MYRFL: variants seen among roughly 807,000 people sequenced by gnomAD.
MYRFL encodes myelin regulatory factor like, also known as myelin regulatory factor-like protein.
Under a neutral mutation model 109.4 loss-of-function variants are expected in MYRFL, and 88 were observed. The ratio of observed to expected loss-of-function variants is 0.80; its 90% CI spans 0.68 to 0.96. The LOEUF (loss-of-function observed/expected upper bound fraction) is 0.96, where lower values mean the gene tolerates loss of function less well. Ranked by LOEUF, MYRFL falls within the 40% of genes least tolerant of loss-of-function variation. MYRFL has a pLI of 0.00. For missense variants in MYRFL, 957 were observed against 954.9 expected (o/e 1.00, Z -0.03); for synonymous variants, 324 against 320.9 (o/e 1.01, Z -0.10).
chr12:69,890,175 T>G (rs2136337707), intron 6 of MYRFL, among the ~76,000 whole-genome samples: 1 of 152,360 alleles, frequency 6.6e-6, no homozygotes, highest in South Asian at 2.1e-4. Flanking sequence ...AGTCTGCTTT[T>G]TCATGTGATC....
chr12:69,951,425 T>TC (rs1955973346), intron 19 of MYRFL, among the ~76,000 whole-genome samples: 1 of 28,250 alleles, frequency 3.5e-5, no homozygotes, highest in Admixed American at 2.6e-4. Flanking sequence ...CTAACCTGCT[T>TC]TTTTTTTTTT....
At chr12:69,844,440 C>T (rs534500459) in intron 1 of MYRFL, among the ~76,000 whole-genome samples, 19 of 152,224 alleles carry the variant, frequency 1.2e-4, no homozygotes, top group African/African-American at 3.6e-4. Flanking sequence ...GCAGATGGGA[C>T]ACCAGCAGGG....
rs144907573 is a variant in MYRFL at position 69,865,508 on chromosome 12, G to A, written c.137+10138G>A. Among the ~76,000 whole-genome samples the A allele has an allele frequency of 1.3e-3, 197 of 152,174 alleles. 1 individual carries two copies. Among genetic ancestry groups the A allele is most frequent in the African/African-American group, 4.3e-3 (178 of 41,506 alleles). ...TTCTAGTATCTATGAACCATCTTGGGGAAGAAGAATTATGGTTTCTGTGAT... is the reference window on the plus strand; with the variant it reads ...TTCTAGTATCTATGAACCATCTTGGAGAAGAAGAATTATGGTTTCTGTGAT... On this transcript the variant is annotated intron_variant, in intron 2 of 24. Coordinates refer to ENST00000552032, the MANE Select transcript of MYRFL (RefSeq NM_182530.3).
chr12:69,877,435 G>T (rs1885758572), intron 2 of MYRFL, among the ~76,000 whole-genome samples: 1 of 152,070 alleles, frequency 6.6e-6, no homozygotes, highest in East Asian at 1.9e-4. Flanking sequence ...TTTGAGTTTT[G>T]TTTGATTGGA....
intron 2 of MYRFL, among the ~76,000 whole-genome samples, chr12:69,861,082 A>AT (rs1314208648): frequency 4.7e-5 from 7 of 148,980 alleles, no homozygotes; most frequent in South Asian, 4.3e-4. Flanking sequence ...TGAACTCATC[A>AT]TTTTTTATGG....
intron 2 of MYRFL, 67 bp from the exon 3 acceptor site, chr12:69,878,961 C>A: frequency 1.4e-6 from 1 of 702,482 alleles, no homozygotes; most frequent in South Asian, 1.5e-5. Context: ...GGGTTGTCTC[C>A]CATTTGTGAC....
chr12:69,955,782 G>A (rs1956079538), intron 22 of MYRFL, among the ~76,000 whole-genome samples: 1 of 151,690 alleles, frequency 6.6e-6, no homozygotes, highest in Admixed American at 6.6e-5. Context: ...GCCCCCCGAT[G>A]GGAAGATGCA....
intron 10 of MYRFL, among the ~76,000 whole-genome samples, chr12:69,899,175 C>A (rs1333603864): frequency 2.6e-5 from 4 of 152,236 alleles, no homozygotes; most frequent in African/African-American, 9.6e-5. Flanking sequence ...AAAAGTTACC[C>A]TAACAGCATT....
intron 1 of MYRFL, among the ~76,000 whole-genome samples, chr12:69,854,310 G>C (rs1046475430): frequency 9.2e-5 from 14 of 151,582 alleles, no homozygotes; most frequent in Admixed American, 7.2e-4. Flanking sequence ...GTCCAGCCTC[G>C]GCTGGGCATC....
intron 13 of MYRFL, among the ~76,000 whole-genome samples, chr12:69,912,226 C>A (rs182032338): frequency 2.4e-4 from 37 of 152,322 alleles, no homozygotes; most frequent in Non-Finnish European, 4.9e-4. Context: ...TCTCCCAGAC[C>A]TGGGCTATCA....
chr12:69,836,150 C>G (rs1882926258), intron 1 of MYRFL, among the ~76,000 whole-genome samples: 1 of 152,202 alleles, frequency 6.6e-6, no homozygotes, highest in Non-Finnish European at 1.5e-5. Flanking sequence ...TTGCCCTGGC[C>G]AAATTCCGTG....
chr12:69,955,117 G>A (rs1048861034), intron 21 of MYRFL, among the ~76,000 whole-genome samples: 2 of 151,908 alleles, frequency 1.3e-5, no homozygotes, highest in Non-Finnish European at 2.9e-5. Flanking sequence ...GTTTTTTTCT[G>A]TGTGTTCTAA....
chr12:69,909,841 C>G, intron 11 of MYRFL, 128 bp from the exon 12 acceptor site: 1 of 701,566 alleles, frequency 1.4e-6, no homozygotes, highest in South Asian at 2.0e-5. Flanking sequence ...GCTTGGAATC[C>G]ACTTGAAGAA....
intron 16 of MYRFL, among the ~76,000 whole-genome samples, chr12:69,934,916 G>A (rs1318688531): frequency 6.6e-6 from 1 of 152,150 alleles, no homozygotes; most frequent in Admixed American, 6.5e-5. Flanking sequence ...AGGAATAGAA[G>A]TTCTCACTCT....
At chr12:69,916,514 G>T (rs1295343111) in intron 13 of MYRFL, among the ~76,000 whole-genome samples, 1 of 152,140 alleles carries the variant, frequency 6.6e-6, no homozygotes, top group African/African-American at 2.4e-5. Context: ...TTGTATATCA[G>T]TTCTCTTCTT....
chr12:69,897,154 A>T lies in MYRFL; in HGVS notation c.1092-2A>T. ...GGCATTGGTCTGCTGTCTCTGAATT[A>T]GATACTTCATGTTGGTGGTTGGACT... On this transcript the variant is annotated splice_acceptor_variant, in intron 9 of 24. Transcript: ENST00000552032. LOFTEE classifies it high-confidence loss of function. 1 of 1,533,718 alleles carries T rather than the reference A, an allele frequency of 6.5e-7. No homozygotes were observed. Among genetic ancestry groups the T allele is most frequent in the Non-Finnish European group, 8.7e-7 (1 of 1,144,756 alleles).
At position 69,913,194 on chromosome 12, in the gene MYRFL, C is replaced by A. The variant is rs148374165; in HGVS notation, c.1602+2264C>A. ...AGGTTTCAGGAATTCTCTATATATT[C>A]TGGATATTAATCCCTTATGAGATAT... is the stretch of plus-strand genomic sequence containing the variant. On this transcript the variant is annotated intron_variant, in intron 13 of 24. Transcript: ENST00000552032. 1.6e-4 allele frequency among the ~76,000 whole-genome samples: 24 copies of A among 152,232 alleles called. 1 individual carries two copies. In the East Asian group the frequency reaches 4.4e-3, roughly 28 times the overall value.
At chr12:69,910,659 A>AAAAAACAG (rs1393515995) in intron 12 of MYRFL, among the ~76,000 whole-genome samples, 162 bp from the exon 13 acceptor site, 1 of 151,830 alleles carries the variant, frequency 6.6e-6, no homozygotes, top group Non-Finnish European at 1.5e-5. Context: ...AAAGGAAAAG[A>AAAAAACAG]AAAAACAGAA....
chr12:69,829,204 G>A (rs925835273), intron 1 of MYRFL, among the ~76,000 whole-genome samples: 2 of 152,184 alleles, frequency 1.3e-5, no homozygotes, highest in Non-Finnish European at 2.9e-5. Context: ...AGAATAGTCT[G>A]TTCAGGAAAC....
Sources: allele counts gnomAD v4.1 joint callset (sites outside exome capture counted in the v4.1 genomes callset), GRCh38; gene constraint gnomAD v4.1.1; transcripts MANE v1.5; gene names NCBI Gene and HGNC (gene_info 2026-07-23, HGNC 2026-07-21).